The following CUBN variants were observed in gnomAD, a reference collection of about 807,000 sequenced individuals.
CUBN encodes cubilin.
Under a neutral mutation model 405.3 loss-of-function variants are expected in CUBN, and 282 were observed. The observed-to-expected ratio is 0.70, with a 90% CI of 0.63 to 0.77. CUBN has a LOEUF of 0.77. Ranked by LOEUF, CUBN falls within the 30% of genes least tolerant of loss-of-function variation. The probability of loss-of-function intolerance (pLI) is 0.00; values close to 1 mark genes in which losing one functional copy is unlikely to be tolerated. For missense variants in CUBN, 4,514 were observed against 4,475.2 expected, an observed-to-expected ratio of 1.01 and a Z score of -0.25; for synonymous variants, 1,684 against 1,617.0, an observed-to-expected ratio of 1.04 and a Z score of -0.99.
intron 28 of CUBN, among the ~76,000 whole-genome samples, chr10:17,012,660 T>C (rs1015374391): frequency 4.6e-5 from 7 of 152,250 alleles, no homozygotes; most frequent in African/African-American, 1.7e-4. Flanking sequence ...AATTTTTCTT[T>C]GCTATTAATA....
At chr10:16,829,928 G>GCT (rs1554779186) in intron 65 of CUBN, among the ~76,000 whole-genome samples, 2 of 145,256 alleles carry the variant, frequency 1.4e-5, no homozygotes, top group African/African-American at 5.2e-5. Context: ...TTCATGGTGG[G>GCT]TTTTTTTTGT....
intron 53 of CUBN, among the ~76,000 whole-genome samples, chr10:16,900,400 T>A (rs1482202929): frequency 1.3e-5 from 2 of 152,242 alleles, no homozygotes; most frequent in African/African-American, 4.8e-5. Flanking sequence ...TTATCGGCTA[T>A]GTATCTAGGC....
rs74116738 is a variant in CUBN at position 16,832,196 on chromosome 10, C to A, written c.10363-779G>T. ...ACAACCAGCCCTGCTTCCAGGAGGG[C>A]TCTCGACGCTTCTTACGGAAACGTT... On this transcript the variant is annotated intron_variant, in intron 64 of 66. Coordinates refer to ENST00000377833, the MANE Select transcript of CUBN (RefSeq NM_001081.4). Among the ~76,000 whole-genome samples the A allele has an allele frequency of 8.3e-3, 1,270 of 152,270 alleles. 18 individuals carry two copies. Among genetic ancestry groups the A allele is most frequent in the African/African-American group, 0.028 (1,179 of 41,546 alleles).
At chr10:17,045,894 G>C (rs1835121105) in intron 24 of CUBN, 40 bp downstream of exon 24, 1 of 1,605,680 alleles carries the variant, frequency 6.2e-7, no homozygotes, top group Non-Finnish European at 8.5e-7. Flanking sequence ...AAACCAATCA[G>C]ATTGGCTTCT....
At chr10:17,032,235 C>T (rs914927525) in intron 27 of CUBN, among the ~76,000 whole-genome samples, 5 of 152,074 alleles carry the variant, frequency 3.3e-5, no homozygotes, top group African/African-American at 7.2e-5. Flanking sequence ...CCAGAAGGGG[C>T]GTGGAGGGGA....
chr10:16,928,345 G>A (rs978896377), intron 40 of CUBN, 42 bp from the exon 41 acceptor site: 1 of 1,605,332 alleles, frequency 6.2e-7, no homozygotes, highest in Admixed American at 1.7e-5. Flanking sequence ...TACATCTTGA[G>A]AATCTACTCT....
chr10:17,076,828 T>C (rs1246994969), intron 17 of CUBN, among the ~76,000 whole-genome samples: 2 of 152,272 alleles, frequency 1.3e-5, no homozygotes, highest in Middle Eastern at 3.4e-3. Context: ...GAAACTGACA[T>C]AGGAAACAGA....
intron 13 of CUBN, 105 bp downstream of exon 13, chr10:17,103,020 T>G: frequency 1.3e-6 from 1 of 765,202 alleles, no homozygotes; most frequent in Non-Finnish European, 2.3e-6. Context: ...CAATATATGA[T>G]AGTTGAATTA....
Position 16,869,557 on chromosome 10 carries a change from T to TGGGGGGGGGGGG in CUBN, c.9454+78_9454+79insCCCCCCCCCCCC, listed in dbSNP as rs59702069. The TGGGGGGGGGGGG allele has an allele frequency of 7.9e-6, 5 of 632,026 alleles. No individual in the cohort carries two copies. In the African/African-American group the frequency reaches 1.0e-4, roughly 13 times the overall value. 39.2% of individuals were successfully genotyped at this position (632,026 alleles called of 1,614,324 possible). A position where few individuals can be genotyped will look rare whatever the true frequency, so the allele number is the denominator to read the frequency against. On this transcript the variant is annotated intron_variant, in intron 59 of 66. Transcript: ENST00000377833. ...AAAAGCAATCATAATCAGGTGGGGG[T>TGGGGGGGGGGGG]GGGGGGGGGGCGGGGAAATTAAATA...
rs190234931 is a variant in CUBN at position 16,922,598 on chromosome 10, T to G, written c.6647-2461A>C. 1.7e-3 allele frequency among the ~76,000 whole-genome samples: 261 copies of G among 152,300 alleles called. 5 individuals are homozygous for G. The South Asian group carries it at 0.053, about 31-fold the overall frequency. On this transcript the variant is annotated intron_variant, in intron 43 of 66. Coordinates refer to ENST00000377833, the MANE Select transcript of CUBN (RefSeq NM_001081.4). ...CATCCAGGGCCCTGAGCAGAGTGAT[T>G]CCTGCCTGCTTCATCACTATTATGT... is the stretch of plus-strand genomic sequence containing the variant.
At position 17,116,825 on chromosome 10, in the gene CUBN, A is replaced by G. The variant is rs543885561; in HGVS notation, c.594-1228T>C. Among the ~76,000 whole-genome samples the G allele has an allele frequency of 2.0e-5, 3 of 152,278 alleles. No individual in the cohort carries two copies. In the South Asian group the frequency reaches 6.2e-4, roughly 32 times the overall value. On this transcript the variant is annotated intron_variant, in intron 6 of 66. Transcript: ENST00000377833. Reference sequence around the variant, plus strand: ...GAAGAGGAGAGCAATGAGTGTGGCCAGAAATGGAGAATAAGAATGCAGGGA... The same window carrying G: ...GAAGAGGAGAGCAATGAGTGTGGCCGGAAATGGAGAATAAGAATGCAGGGA...
intron 22 of CUBN, among the ~76,000 whole-genome samples, chr10:17,063,616 C>G (rs1262082225): frequency 1.3e-5 from 2 of 152,142 alleles, no homozygotes; most frequent in Non-Finnish European, 2.9e-5. Flanking sequence ...AATCTAATAT[C>G]CTCCCTGCCC....
rs1366400693 is a variant in CUBN, at chr10:17,000,930, T to C, written c.4169-10415A>G. Among the ~76,000 whole-genome samples, 5 of 152,242 alleles carry C rather than the reference T, an allele frequency of 3.3e-5. No homozygotes were observed. In the East Asian group the frequency reaches 5.8e-4, roughly 18 times the overall value. ...TTCTTGGTCTCGCTGACTTCAAGAA[T>C]GAAGCCACGGACCTGAACAGTGAGT... On this transcript the variant is annotated intron_variant, in intron 28 of 66. Transcript: ENST00000377833.
intron 58 of CUBN, among the ~76,000 whole-genome samples, chr10:16,870,996 A>T (rs1012492371): frequency 6.6e-6 from 1 of 151,592 alleles, no homozygotes; most frequent in Non-Finnish European, 1.5e-5. Flanking sequence ...ATAATATTTG[A>T]TATCCTGTCC....
rs1842165574 is a variant in CUBN, at chr10:16,925,658, T to A, written c.6388A>T (p.Ile2130Phe). ...WHVLVQSGLT[I>F]AVHFEQPFQI... Reference sequence around the variant, plus strand: ...AAAGGCTGTTCAAAATGGACAGCAATGGTCAGGCCACTTTGGACCAGGACG... The same window carrying A: ...AAAGGCTGTTCAAAATGGACAGCAAAGGTCAGGCCACTTTGGACCAGGACG... The change falls in exon 42 of 67, where the codon ATT (isoleucine) becomes TTT (phenylalanine). Residue 2130 changes from isoleucine (I) to phenylalanine (F), a missense_variant. By Grantham distance (21) the Ile-to-Phe change is conservative. Transcript: ENST00000377833. 6.2e-7 allele frequency: 1 copy of A among 1,614,032 alleles called. No individual in the cohort carries two copies. Among genetic ancestry groups the A allele is most frequent in the Non-Finnish European group, 8.5e-7 (1 of 1,179,956 alleles).
rs916055846 is a variant in CUBN at position 17,044,124 on chromosome 10, TA to T, written c.3673-142del. 8.0e-4 allele frequency: 162 copies of T among 201,726 alleles called. No homozygotes were observed. In the South Asian group the frequency reaches 0.01, roughly 13 times the overall value. The allele number at this position is 201,726 out of a possible 1,614,324, so 12.5% of individuals were successfully genotyped here. ...ATAAATAAATATATGTAATTATATATAAAATATTATAAATATTCATTATATA... is the reference window on the plus strand; with the variant it reads ...ATAAATAAATATATGTAATTATATATAAATATTATAAATATTCATTATATA... On this transcript the variant is annotated intron_variant, in intron 25 of 66. Transcript: ENST00000377833.
At chr10:16,921,192 C>T (rs1292639523) in intron 43 of CUBN, among the ~76,000 whole-genome samples, 1 of 152,212 alleles carries the variant, frequency 6.6e-6, no homozygotes, top group Non-Finnish European at 1.5e-5. Context: ...TGACTTTCCC[C>T]ATTTCCTCTT....
intron 40 of CUBN, among the ~76,000 whole-genome samples, chr10:16,932,710 C>T (rs562118128): frequency 6.6e-6 from 1 of 152,274 alleles, no homozygotes; most frequent in East Asian, 1.9e-4. Context: ...TGGTGTGAAC[C>T]ACTATGTCCA....
At chr10:17,004,860 G>A (rs1429040087) in intron 28 of CUBN, among the ~76,000 whole-genome samples, 1 of 151,932 alleles carries the variant, frequency 6.6e-6, no homozygotes, top group Non-Finnish European at 1.5e-5. Flanking sequence ...AGTAGAGATG[G>A]GGTGGGCCAG....
Sources: gnomAD v4.1 joint callset for allele counts (sites outside exome capture counted in the v4.1 genomes callset) on GRCh38, gnomAD v4.1.1 for gene constraint, MANE v1.5 for transcripts, NCBI Gene and HGNC (gene_info 2026-07-23, HGNC 2026-07-21) for gene names.